The following ANKRD46 variants were observed in gnomAD, a reference collection of about 807,000 sequenced individuals.
ANKRD46 encodes the protein ankyrin repeat domain-containing protein 46.
A neutral mutation model predicts 19.8 loss-of-function variants in ANKRD46; 13 were observed. The observed-to-expected ratio is 0.66, with a 90% CI of 0.43 to 1.04. The LOEUF is 1.04. Among genes scored for constraint, ANKRD46 ranks in the 50% least tolerant of loss-of-function variants. ANKRD46 has a pLI of 0.00. For missense variants in ANKRD46, 185 were observed against 274.8 expected, an observed-to-expected ratio of 0.67 and a Z score of 2.31; for synonymous variants, 91 against 106.9, an observed-to-expected ratio of 0.85 and a Z score of 0.92.
At chr8:100,553,064 A>T (rs540284322) in intron 1 of ANKRD46, among the ~76,000 whole-genome samples, 1 of 152,254 alleles carries the variant, frequency 6.6e-6, no homozygotes, top group Admixed American at 6.5e-5. Context: ...AGCTGAATCC[A>T]GGCCTAAGAA....
chr8:100,529,937 T>C lies in ANKRD46; in HGVS notation c.-27-77A>G. 2.5e-6 allele frequency: 3 copies of C among 1,196,324 alleles called. No individual in the cohort carries two copies. The highest frequency in any genetic ancestry group is 3.4e-6 in the Non-Finnish European group (3 of 870,108). 74.1% of individuals were successfully genotyped at this position (1,196,324 alleles called of 1,614,324 possible). On this transcript the variant is annotated intron_variant, in intron 2 of 4. Transcript: ENST00000335659. This position sits in a 1 kb window ranked among gnomAD's most constrained non-coding sequence, Gnocchi z 5.8. ...AAAGGAGTCATTTAGAAAAGCAATA[T>C]TTCTCATCCTTTTTGGCCTCCTGCC... is the stretch of plus-strand genomic sequence containing the variant.
At position 100,525,299 on chromosome 8, in the gene ANKRD46, A is replaced by G. The variant is rs1458272042; in HGVS notation, c.471-2528T>C. On this transcript the variant is annotated intron_variant, in intron 4 of 4. Transcript: ENST00000335659. The surrounding 1 kb of genome is among the most constrained non-coding windows in gnomAD (Gnocchi z 4.4). ...TAATATTTACCTTTTGAAACTGTAC[A>G]ATTCAGTGGCTTTTCATATATTCCC... Among the ~76,000 whole-genome samples, 1 of 152,198 alleles carries G rather than the reference A, an allele frequency of 6.6e-6. No individual in the cohort carries two copies. The highest frequency in any genetic ancestry group is 1.5e-5 in the Non-Finnish European group (1 of 68,034).
Position 100,510,763 on chromosome 8 carries a change from C to A in ANKRD46, c.637-124G>T. 1 of 857,350 alleles carries A rather than the reference C, an allele frequency of 1.2e-6. No homozygotes were observed. Among genetic ancestry groups the A allele is most frequent in the Non-Finnish European group, 1.7e-6 (1 of 579,782 alleles). The allele number at this position is 857,350 out of a possible 1,614,324, so 53.1% of individuals were successfully genotyped here. ...AACCAGAAAGCACAGGCTTGCTTCT[C>A]CTCTGCCCATCTCAGCTCTCAACGC... is the stretch of plus-strand genomic sequence containing the variant. On this transcript the variant is annotated intron_variant, in intron 5 of 5. Transcript: ENST00000520552. The surrounding 1 kb of genome is among the most constrained non-coding windows in gnomAD (Gnocchi z 4.9).
rs559294529 is a variant in ANKRD46, at chr8:100,544,281, C to G, written c.-130-10970G>C. Among the ~76,000 whole-genome samples, 2 of 152,156 alleles carry G rather than the reference C, an allele frequency of 1.3e-5. No homozygotes were observed. The highest frequency in any genetic ancestry group is 2.9e-5 in the Non-Finnish European group (2 of 68,042). On this transcript the variant is annotated intron_variant, in intron 1 of 4. Coordinates refer to ENST00000335659, the MANE Select transcript of ANKRD46 (RefSeq NM_001270377.2). The surrounding 1 kb of genome is among the most constrained non-coding windows in gnomAD (Gnocchi z 4.4). ...TTCCACCAGGAAAGAAAATACCTTACTCATCCATGGGACCCGGACATAAAG... is the reference window on the plus strand; with the variant it reads ...TTCCACCAGGAAAGAAAATACCTTAGTCATCCATGGGACCCGGACATAAAG...
At chr8:100,538,182 A>G (rs573930972) in intron 1 of ANKRD46, among the ~76,000 whole-genome samples, 2 of 152,244 alleles carry the variant, frequency 1.3e-5, no homozygotes, top group Admixed American at 1.3e-4. Context: ...TTAAAGTAAT[A>G]TTTTTTCTTA....
intron 4 of ANKRD46, among the ~76,000 whole-genome samples, chr8:100,523,273 A>C (rs1462605140): frequency 6.6e-6 from 1 of 152,088 alleles, no homozygotes; most frequent in Non-Finnish European, 1.5e-5. Flanking sequence ...GAAGATTCAA[A>C]GTGCAGACTC....
chr8:100,520,767 C>T (rs1247237297), downstream of ANKRD46: 9 of 764,036 alleles, frequency 1.2e-5, no homozygotes, highest in Non-Finnish European at 1.4e-5. Context: ...AAAGAGAAAT[C>T]GTGATTAAGG....
In ANKRD46 at chr8:100,525,802, T is replaced by A. The variant is rs1205066121; in HGVS notation, c.470+2043A>T. On this transcript the variant is annotated intron_variant, in intron 4 of 4. Transcript: ENST00000335659. This position sits in a 1 kb window ranked among gnomAD's most constrained non-coding sequence, Gnocchi z 4.4. ...GATGGTAACTCTACGTGTAGCTTTT[T>A]GAAGGACTGCCAGACTTTTCCAAAG... 6.6e-6 allele frequency among the ~76,000 whole-genome samples: 1 copy of A among 152,192 alleles called. No individual in the cohort carries two copies. The highest frequency in any genetic ancestry group is 1.5e-5 in the Non-Finnish European group (1 of 68,026).
chr8:100,558,066 AG>A (rs1812535596), intron 1 of ANKRD46, among the ~76,000 whole-genome samples: 1 of 152,248 alleles, frequency 6.6e-6, no homozygotes, highest in Non-Finnish European at 1.5e-5. Flanking sequence ...GCCTGGCCAT[AG>A]AAGGCACTCA....
In ANKRD46 at chr8:100,546,699, A is replaced by G. The variant is rs573014430; in HGVS notation, c.-131+13012T>C. 5.2e-4 allele frequency among the ~76,000 whole-genome samples: 79 copies of G among 152,332 alleles called. No individual in the cohort carries two copies. Among genetic ancestry groups the G allele is most frequent in the African/African-American group, 1.9e-3 (79 of 41,584 alleles). On this transcript the variant is annotated intron_variant, in intron 1 of 4. Transcript: ENST00000335659. The surrounding 1 kb of genome is among the most constrained non-coding windows in gnomAD (Gnocchi z 4.0). ...GGGCCACTGTCCTCCAGACCCCAGAAAAGTAGATCCACTGACAGCTTGCAC... is the reference window on the plus strand; with the variant it reads ...GGGCCACTGTCCTCCAGACCCCAGAGAAGTAGATCCACTGACAGCTTGCAC...
At position 100,546,279 on chromosome 8, in the gene ANKRD46, A is replaced by G. The variant is rs770833773; in HGVS notation, c.-130-12968T>C. ...CACAGGCCACAAGGCCTAGGAGGGA[A>G]AAAATGGTTTTGTGGGCTGGGATCA... On this transcript the variant is annotated intron_variant, in intron 1 of 4. Coordinates refer to ENST00000335659, the MANE Select transcript of ANKRD46 (RefSeq NM_001270377.2). This position sits in a 1 kb window ranked among gnomAD's most constrained non-coding sequence, Gnocchi z 4.0. Among the ~76,000 whole-genome samples, 1 of 152,240 alleles carries G rather than the reference A, an allele frequency of 6.6e-6. No individual in the cohort carries two copies. Among genetic ancestry groups the G allele is most frequent in the Non-Finnish European group, 1.5e-5 (1 of 68,026 alleles).
Position 100,529,465 on chromosome 8 carries a change from T to C in ANKRD46, c.311+58A>G, listed in dbSNP as rs931586408. ...AACCAACAGACCCAAGATAAGATTATCAGTTGAGAGATTAATGGGAAGAAA... is the reference window on the plus strand; with the variant it reads ...AACCAACAGACCCAAGATAAGATTACCAGTTGAGAGATTAATGGGAAGAAA... On this transcript the variant is annotated intron_variant, in intron 3 of 4. Coordinates refer to ENST00000335659, the MANE Select transcript of ANKRD46 (RefSeq NM_001270377.2). This position sits in a 1 kb window ranked among gnomAD's most constrained non-coding sequence, Gnocchi z 5.8. 4 of 1,496,046 alleles carry C rather than the reference T, an allele frequency of 2.7e-6. No individual in the cohort carries two copies. The African/African-American group carries it at 4.2e-5, about 16-fold the overall frequency. 92.7% of individuals were successfully genotyped at this position (1,496,046 alleles called of 1,614,324 possible). A position where few individuals can be genotyped will look rare whatever the true frequency, so the allele number is the denominator to read the frequency against.
intron 5 of ANKRD46, among the ~76,000 whole-genome samples, chr8:100,515,552 C>T (rs986505447): frequency 1.3e-5 from 2 of 151,492 alleles, no homozygotes; most frequent in African/African-American, 4.9e-5. Flanking sequence ...TGTATTTGGC[C>T]TAACTATGAA....
At position 100,529,388 on chromosome 8, in the gene ANKRD46, C is replaced by T; in HGVS notation, c.311+135G>A. 1.1e-6 allele frequency: 1 copy of T among 948,688 alleles called. No individual in the cohort carries two copies. The highest frequency in any genetic ancestry group is 1.5e-6 in the Non-Finnish European group (1 of 654,080). The allele number at this position is 948,688 out of a possible 1,614,324, so 58.8% of individuals were successfully genotyped here. ...TTCCCTCACTTGCCTAACAGGATTA[C>T]ACTGTCTTCAATGCTTTCTGAACTT... On this transcript the variant is annotated intron_variant, in intron 3 of 4. Transcript: ENST00000335659. The surrounding 1 kb of genome is among the most constrained non-coding windows in gnomAD (Gnocchi z 5.8).
At chr8:100,512,939 C>T (rs1729470834) in intron 5 of ANKRD46, among the ~76,000 whole-genome samples, 1 of 152,152 alleles carries the variant, frequency 6.6e-6, no homozygotes, top group South Asian at 2.1e-4. Flanking sequence ...TCTCCCATTA[C>T]TGGAGAGATC....
rs185332434 is a variant in ANKRD46 at position 100,558,181 on chromosome 8, G to A, written c.-131+1530C>T. On this transcript the variant is annotated intron_variant, in intron 1 of 4. Coordinates refer to ENST00000335659, the MANE Select transcript of ANKRD46 (RefSeq NM_001270377.2). The stretch of plus-strand genomic sequence containing the variant: ...AAAGCCCAACTTATTTCCACAATGG[G>A]AAATACAATTTCCCTTTTGATAAAG... Among the ~76,000 whole-genome samples the A allele has an allele frequency of 8.9e-4, 136 of 152,282 alleles. No homozygotes were observed. The Middle Eastern group carries it at 0.01, about 11-fold the overall frequency.
At chr8:100,522,802 TAAA>T (rs140128819) in intron 4 of ANKRD46, 31 bp from the exon 5 acceptor site, 1 of 1,591,306 alleles carries the variant, frequency 6.3e-7, no homozygotes, top group South Asian at 1.1e-5. Context: ...AAAAGGGCAT[TAAA>T]AAAACACAGC....
chr8:100,539,874 C>A (rs1029547342), intron 1 of ANKRD46, among the ~76,000 whole-genome samples: 8 of 152,138 alleles, frequency 5.3e-5, no homozygotes, highest in Non-Finnish European at 8.8e-5. Context: ...CAATGCAAGA[C>A]CCTGTCTGTA....
At chr8:100,548,416 A>C (rs1001135469) in intron 1 of ANKRD46, among the ~76,000 whole-genome samples, 1 of 152,136 alleles carries the variant, frequency 6.6e-6, no homozygotes, top group Non-Finnish European at 1.5e-5. Context: ...TCTCAGCTCA[A>C]ATGTCACCTA....
Sources: allele counts gnomAD v4.1 joint callset (sites outside exome capture counted in the v4.1 genomes callset), GRCh38; gene constraint gnomAD v4.1.1; non-coding constraint Gnocchi (gnomAD v3.1); transcripts MANE v1.5; gene names NCBI Gene and HGNC (gene_info 2026-07-23, HGNC 2026-07-21).